Variants in SH3BP1 observed in about 807,000 individuals in gnomAD.
SH3BP1 encodes SH3 domain-binding protein 1.
Under a neutral mutation model 69.8 loss-of-function variants are expected in SH3BP1, and 46 were observed. The ratio of observed to expected loss-of-function variants is 0.66; its 90% CI spans 0.52 to 0.84. The LOEUF is 0.84. Among genes scored for constraint, SH3BP1 ranks in the 40% least tolerant of loss-of-function variants. The probability of loss-of-function intolerance (pLI) is 0.00; values close to 1 mark genes in which losing one functional copy is unlikely to be tolerated. For missense variants in SH3BP1, 868 were observed against 930.9 expected (o/e 0.93, Z 0.88); for synonymous variants, 403 against 378.0 (o/e 1.07, Z -0.77).
rs559859877 is a variant in SH3BP1 at position 37,642,469 on chromosome 22, G to T, written c.208-70G>T. The T allele has an allele frequency of 1.0e-5, 16 of 1,533,816 alleles. No homozygotes were observed. In the South Asian group the frequency reaches 1.7e-4, roughly 16 times the overall value. On this transcript the variant is annotated intron_variant, in intron 3 of 17. Coordinates refer to ENST00000649765, the MANE Select transcript of SH3BP1 (RefSeq NM_018957.6). The stretch of plus-strand genomic sequence containing the variant: ...GGTTCCCTCCTCCCCTGCCCCAAGG[G>T]GCTGGCCTGGTGCTCAGGCAGGGTG...
At chr22:37,646,779 A>G (rs1232811413) in intron 10 of SH3BP1, 39 bp from the exon 11 acceptor site, 9 of 1,333,564 alleles carry the variant, frequency 6.7e-6, no homozygotes, top group African/African-American at 1.5e-5. Context: ...TGCCCTGCCC[A>G]CCCCTCTGTG....
At position 37,645,466 on chromosome 22, in the gene SH3BP1, G is replaced by A. The variant is rs1030018800; in HGVS notation, c.880G>A (p.Glu294Lys). ...ELGREIALPIEACVMMLLSEG... is the reference protein window; with the variant it reads ...ELGREIALPIKACVMMLLSEG... ...GGGCCGGGAGATTGCCCTGCCCATC[G>A]AGGCCTGCGTCATGATGCTGCTTTC... Residue 294 changes from glutamate (E) to lysine (K), a missense_variant, in exon 10 of 18, where the codon GAG becomes AAG. Physicochemically the swap from Glu to Lys is moderately conservative, Grantham distance 56. This residue lies in a region of SH3BP1 where 387 missense variants were observed against 447.9 expected (regional missense o/e 0.86). Coordinates refer to ENST00000649765, the MANE Select transcript of SH3BP1 (RefSeq NM_018957.6). 8.7e-6 allele frequency: 14 copies of A among 1,613,650 alleles called. No homozygotes were observed. The highest frequency in any genetic ancestry group is 1.7e-5 in the Admixed American group (1 of 59,986).
chr22:37,653,732 T>G (rs1226572580), intron 16 of SH3BP1, 47 bp from the exon 17 acceptor site: 11 of 1,367,716 alleles, frequency 8.0e-6, no homozygotes, highest in Non-Finnish European at 9.3e-6. Context: ...TCCATGAGAC[T>G]TCTGGGAGGT....
In SH3BP1 at chr22:37,650,672, G is replaced by GGCTCCAGCTCCA. The variant is rs749090145; in HGVS notation, c.1551_1562dup (p.Pro521_Ala524dup). 8 of 1,613,718 alleles carry GGCTCCAGCTCCA rather than the reference G, an allele frequency of 5.0e-6. No individual in the cohort carries two copies. Among genetic ancestry groups the GGCTCCAGCTCCA allele is most frequent in the Non-Finnish European group, 4.2e-6 (5 of 1,179,886 alleles). On this transcript the variant is annotated inframe_insertion, in exon 16 of 18. Coordinates refer to ENST00000649765, the MANE Select transcript of SH3BP1 (RefSeq NM_018957.6). ...CAGCCACCACCCCGGCTCCGGCTCC[G>GGCTCCAGCTCCA]GCTCCAGCTCCAGCTCCGGCCCCAG...
At chr22:37,641,931 T>C (rs8142714) in intron 3 of SH3BP1, 19,451 of 179,674 alleles carry the variant, frequency 0.11, 2,711 homozygotes, top group African/African-American at 0.33. Context: ...GGGGCAGGCA[T>C]TGCTTTACAC....
rs1932657328 is a variant in SH3BP1 at position 37,642,966 on chromosome 22, T to C, written c.356T>C (p.Leu119Pro). The C allele has an allele frequency of 1.2e-6, 2 of 1,612,830 alleles. No homozygotes were observed. The highest frequency in any genetic ancestry group is 1.7e-6 in the Non-Finnish European group (2 of 1,179,934). ...ATCCTGGCCGAGTTTGAGATGACCC[T>C]GGAGAGGGACGTCCTGCAGCCACTC... ...ARILAEFEMT[L>P]ERDVLQPLSR... The change falls in exon 5 of 18, where the codon CTG becomes CCG. Residue 119 changes from leucine to proline, a missense_variant. Physicochemically the swap from Leu to Pro is moderately conservative, Grantham distance 98 (BLOSUM62 -3). Coordinates refer to ENST00000649765, the MANE Select transcript of SH3BP1 (RefSeq NM_018957.6).
Position 37,641,417 on chromosome 22 carries a change from T to C in SH3BP1, c.146T>C (p.Ile49Thr). Residue 49 changes from isoleucine to threonine, a missense_variant, in exon 3 of 18, where the codon ATC (isoleucine) becomes ACC (threonine). Ile to Thr is a moderately conservative substitution (Grantham distance 89). This residue lies in a region of SH3BP1 where 387 missense variants were observed against 447.9 expected (regional missense o/e 0.86). Coordinates refer to ENST00000649765, the MANE Select transcript of SH3BP1 (RefSeq NM_018957.6). ...CCGGCCAAGCGGGCAGCCCACAACA[T>C]CCACAAGCGGCTGCAGGCCTGTCTG... ...LEPAKRAAHN[I>T]HKRLQACLQG... 6.4e-7 allele frequency: 1 copy of C among 1,550,878 alleles called. No homozygotes were observed.
chr22:37,646,807 C>T lies in SH3BP1; in HGVS notation c.925-11C>T, dbSNP rs1932792714. The stretch of plus-strand genomic sequence containing the variant: ...CCTCTGTGACCCTTGCCTGCCTCCT[C>T]TCGAACCCAGGGTCTCTTCCGTCTG... On this transcript the variant is annotated splice_polypyrimidine_tract_variant and intron_variant, in intron 10 of 17. Coordinates refer to ENST00000649765, the MANE Select transcript of SH3BP1 (RefSeq NM_018957.6). 6.7e-7 allele frequency: 1 copy of T among 1,503,676 alleles called. No homozygotes were observed. The allele number at this position is 1,503,676 out of a possible 1,614,324, so 93.1% of individuals were successfully genotyped here. A position where few individuals can be genotyped will look rare whatever the true frequency, so the allele number is the denominator to read the frequency against.
intron 17 of SH3BP1, among the ~76,000 whole-genome samples, 188 bp downstream of exon 17, chr22:37,654,061 G>A (rs1932946819): frequency 6.6e-6 from 1 of 152,210 alleles, no homozygotes; most frequent in African/African-American, 2.4e-5. Flanking sequence ...TCACCTGTCT[G>A]AGCCTCACCT....
chr22:37,646,752 A>G, intron 10 of SH3BP1, 66 bp from the exon 11 acceptor site: 1 of 990,856 alleles, frequency 1.0e-6, no homozygotes, highest in Non-Finnish European at 1.4e-6. Flanking sequence ...CCAGGCTACA[A>G]GTGCGCCAGG....
chr22:37,643,622 C>T (rs1355211200), intron 6 of SH3BP1, 22 bp from the exon 7 acceptor site: 1 of 1,614,038 alleles, frequency 6.2e-7, no homozygotes, highest in Non-Finnish European at 8.5e-7. Context: ...AGGTGACCAG[C>T]TCACCTTGGG....
chr22:37,655,221 C>T, intron 17 of SH3BP1, 51 bp from the exon 18 acceptor site: 2 of 1,396,810 alleles, frequency 1.4e-6, no homozygotes, highest in Non-Finnish European at 1.9e-6. Flanking sequence ...GGTGGATTCA[C>T]CACAGGCCAC....
rs201561347 is a variant in SH3BP1, at chr22:37,650,567, C to T, written c.1440C>T (p.Leu480=). The T allele has an allele frequency of 2.5e-6, 4 of 1,613,452 alleles. No individual in the cohort carries two copies. The highest frequency in any genetic ancestry group is 3.4e-6 in the Non-Finnish European group (4 of 1,179,678). ...PGDINFNVSG[L]FSAVTLQDTV... Reference sequence around the variant, plus strand: ...ACATCAACTTCAACGTGTCAGGCCTCTTCTCAGCTGTTACCCTCCAGGACA... The same window carrying T: ...ACATCAACTTCAACGTGTCAGGCCTTTTCTCAGCTGTTACCCTCCAGGACA... The change falls in exon 16 of 18, where the codon CTC becomes CTT. Residue 480 remains leucine, a synonymous_variant. Coordinates refer to ENST00000649765, the MANE Select transcript of SH3BP1 (RefSeq NM_018957.6).
rs1303360432 is a variant in SH3BP1, at chr22:37,655,591, G to A, written c.2013G>A (p.Glu671=). ...TGGACCTGGGGGCTGCCACAGCAGA[G>A]GGAGGAGCCCCTGAGGCTATCAGTG... is the stretch of plus-strand genomic sequence containing the variant. ...AQVDLGAATA[E]GGAPEAISGV... is the part of the protein sequence containing the mutation. Residue 671 remains glutamate (E), a synonymous_variant, in exon 18 of 18, where the codon GAG becomes GAA. Transcript: ENST00000649765. 2.5e-6 allele frequency: 4 copies of A among 1,591,262 alleles called. No individual in the cohort carries two copies. In the South Asian group the frequency reaches 3.4e-5, roughly 14 times the overall value.
intron 14 of SH3BP1, chr22:37,648,700 CTTTTTTT>C (rs993648456): frequency 9.5e-5 from 15 of 157,422 alleles, no homozygotes; most frequent in East Asian, 6.0e-4. Flanking sequence ...AGATCGGGTT[CTTTTTTT>C]TTTTTTTTTT....
In SH3BP1 at chr22:37,642,618, G is replaced by T; in HGVS notation, c.284+3G>T. Reference sequence around the variant, plus strand: ...CTGGACCCTGATTCCAGCATGGGGTGAGCACAGACGGGGCCCAGCCCTCAC... The same window carrying T: ...CTGGACCCTGATTCCAGCATGGGGTTAGCACAGACGGGGCCCAGCCCTCAC... On this transcript the variant is annotated splice_donor_region_variant and intron_variant, in intron 4 of 17. Transcript: ENST00000649765. The T allele has an allele frequency of 6.2e-7, 1 of 1,613,314 alleles. No individual in the cohort carries two copies. The highest frequency in any genetic ancestry group is 1.1e-5 in the South Asian group (1 of 91,074).
At position 37,655,514 on chromosome 22, in the gene SH3BP1, T is replaced by C; in HGVS notation, c.1936T>C (p.Ser646Pro). The C allele has an allele frequency of 7.0e-7, 1 of 1,421,698 alleles. No homozygotes were observed. The highest frequency in any genetic ancestry group is 9.3e-7 in the Non-Finnish European group (1 of 1,076,098). The allele number at this position is 1,421,698 out of a possible 1,614,324, so 88.1% of individuals were successfully genotyped here. A position where few individuals can be genotyped will look rare whatever the true frequency, so the allele number is the denominator to read the frequency against. The change falls in exon 18 of 18, where the codon TCC becomes CCC. Residue 646 changes from serine (S) to proline (P), a missense_variant. Physicochemically the swap from Ser to Pro is moderately conservative, Grantham distance 74. This residue lies in a region of SH3BP1 where 474 missense variants were observed against 462.3 expected (regional missense o/e 1.03). Transcript: ENST00000649765. ...TTCACCAGCCTCCCCCAGCCCGGCC[T>C]CCCCAGGTCCAGCCTCCCCCAGCCC... ...RRSPASPSPA[S>P]PGPASPSPVS...
chr22:37,655,441 C>T lies in SH3BP1; in HGVS notation c.1863C>T (p.Pro621=), dbSNP rs1255534421. The T allele has an allele frequency of 3.1e-5, 40 of 1,294,268 alleles. No homozygotes were observed. The highest frequency in any genetic ancestry group is 4.1e-5 in the Non-Finnish European group (39 of 946,750). The allele number at this position is 1,294,268 out of a possible 1,614,324, so 80.2% of individuals were successfully genotyped here. The change falls in exon 18 of 18, where the codon CCC becomes CCT. Residue 621 remains proline, a synonymous_variant. Coordinates refer to ENST00000649765, the MANE Select transcript of SH3BP1 (RefSeq NM_018957.6). ...GSSLRAPTVP[P]PLPPTPPQPA... ...GCCTCCGAGCCCCCACAGTGCCACC[C>T]CCGTTACCCCCCACACCCCCTCAGC... is the stretch of plus-strand genomic sequence containing the variant.
intron 7 of SH3BP1, among the ~76,000 whole-genome samples, chr22:37,644,422 G>A (rs1355233467): frequency 1.3e-5 from 2 of 152,208 alleles, no homozygotes; most frequent in Non-Finnish European, 2.9e-5. Flanking sequence ...TAAGTCTATG[G>A]AGACACAGAG....
Sources: gnomAD v4.1 joint callset for allele counts (sites outside exome capture counted in the v4.1 genomes callset) on GRCh38, gnomAD v4.1.1 for gene constraint, gnomAD v4.1.1 regional missense constraint, MANE v1.5 for transcripts, NCBI Gene and HGNC (gene_info 2026-07-23, HGNC 2026-07-21) for gene names.